INPP5A: variants seen among roughly 807,000 people sequenced by gnomAD.
INPP5A encodes inositol polyphosphate-5-phosphatase A, also known as 43 kDa inositol polyphosphate 5-phophatase.
Under a neutral mutation model 65.2 loss-of-function variants are expected in INPP5A, and 14 were observed. That is an observed-to-expected ratio of 0.21 (90% confidence interval 0.14 to 0.34). INPP5A has a LOEUF of 0.34. INPP5A is among the 10% of genes least tolerant of loss of function. The probability of loss-of-function intolerance (pLI) is 1.00; values close to 1 mark genes in which losing one functional copy is unlikely to be tolerated. For synonymous variants in INPP5A, 207 were observed against 208.3 expected, an observed-to-expected ratio of 0.99 and a Z score of 0.05; for missense variants, 431 against 545.6, an observed-to-expected ratio of 0.79 and a Z score of 2.09.
chr10:132,601,412 A>G (rs1590859398), intron 1 of INPP5A, among the ~76,000 whole-genome samples: 1 of 152,226 alleles, frequency 6.6e-6, no homozygotes, highest in South Asian at 2.1e-4. Context: ...CCGTTAGCAG[A>G]CACATGACTT....
In INPP5A at chr10:132,663,724, G is replaced by T. The variant is rs182810106; in HGVS notation, c.306+13219G>T. Among the ~76,000 whole-genome samples the T allele has an allele frequency of 6.6e-6, 1 of 152,304 alleles. No individual in the cohort carries two copies. Among genetic ancestry groups the T allele is most frequent in the Non-Finnish European group, 1.5e-5 (1 of 68,020 alleles). Reference sequence around the variant, plus strand: ...CGTCTGCATGACTTTGGGTCATTGCGCTTTCCTTGCCTTTTGGGGAGGGTC... The same window carrying T: ...CGTCTGCATGACTTTGGGTCATTGCTCTTTCCTTGCCTTTTGGGGAGGGTC... On this transcript the variant is annotated intron_variant, in intron 4 of 15. Coordinates refer to ENST00000368594, the MANE Select transcript of INPP5A (RefSeq NM_005539.5). The surrounding 1 kb of genome is among the most constrained non-coding windows in gnomAD (Gnocchi z 4.5).
At chr10:132,625,640 T>C (rs1453573487) in intron 2 of INPP5A, among the ~76,000 whole-genome samples, 1 of 152,038 alleles carries the variant, frequency 6.6e-6, no homozygotes, top group African/African-American at 2.4e-5. Context: ...GGGCAAGGGG[T>C]GACCCCTGGC....
chr10:132,567,848 G>A lies in INPP5A; in HGVS notation c.75+29677G>A, dbSNP rs375471118. 4.7e-4 allele frequency among the ~76,000 whole-genome samples: 71 copies of A among 152,126 alleles called. No individual in the cohort carries two copies. The South Asian group carries it at 7.7e-3, about 16-fold the overall frequency. On this transcript the variant is annotated intron_variant, in intron 1 of 15. Coordinates refer to ENST00000368594, the MANE Select transcript of INPP5A (RefSeq NM_005539.5). ...GAATTATATGCTTTCCTTTTTGAAT[G>A]ATCATATAACTTAGTGCTTAATTAC...
intron 11 of INPP5A, among the ~76,000 whole-genome samples, chr10:132,763,747 GCATA>G (rs1237150517): frequency 1.3e-5 from 2 of 151,432 alleles, no homozygotes; most frequent in Admixed American, 6.6e-5. Context: ...ACACATGCCT[GCATA>G]CAAACACACA....
intron 11 of INPP5A, among the ~76,000 whole-genome samples, chr10:132,760,669 C>T (rs958710323): frequency 5.9e-5 from 9 of 152,350 alleles, no homozygotes; most frequent in East Asian, 5.8e-4. Context: ...ATCTCTGGTA[C>T]GGGGTGACTG....
intron 5 of INPP5A, among the ~76,000 whole-genome samples, chr10:132,690,991 G>T (rs773920807): frequency 5.3e-5 from 8 of 152,224 alleles, no homozygotes; most frequent in Non-Finnish European, 1.2e-4. Context: ...GTGTTTGTGC[G>T]ATGACTTCCC....
At chr10:132,548,067 AT>A (rs1424979488) in intron 1 of INPP5A, among the ~76,000 whole-genome samples, 1 of 151,444 alleles carries the variant, frequency 6.6e-6, no homozygotes, top group Middle Eastern at 3.2e-3. Flanking sequence ...ACCCGGCTAA[AT>A]TTTTTTTGTA....
At chr10:132,717,302 G>A (rs1237019625) in intron 8 of INPP5A, among the ~76,000 whole-genome samples, 1 of 145,442 alleles carries the variant, frequency 6.9e-6, no homozygotes, top group East Asian at 1.9e-4. Context: ...GGGCTCCGAG[G>A]CTGGGACTCA....
rs534788362 is a variant in INPP5A at position 132,663,830 on chromosome 10, C to T, written c.306+13325C>T. Reference sequence around the variant, plus strand: ...CTGAGCCGTGAGCTGGGCAGGGCCGCGCTCACATCATTCCTCTCCCCCTGT... The same window carrying T: ...CTGAGCCGTGAGCTGGGCAGGGCCGTGCTCACATCATTCCTCTCCCCCTGT... On this transcript the variant is annotated intron_variant, in intron 4 of 15. Coordinates refer to ENST00000368594, the MANE Select transcript of INPP5A (RefSeq NM_005539.5). This position sits in a 1 kb window ranked among gnomAD's most constrained non-coding sequence, Gnocchi z 4.5. Among the ~76,000 whole-genome samples, 13 of 152,262 alleles carry T rather than the reference C, an allele frequency of 8.5e-5. No homozygotes were observed. The highest frequency in any genetic ancestry group is 2.6e-4 in the African/African-American group (11 of 41,554).
chr10:132,638,221 A>G lies in INPP5A; in HGVS notation c.118-7647A>G, dbSNP rs1042300584. On this transcript the variant is annotated intron_variant, in intron 2 of 15. Transcript: ENST00000368594. ...TTCTCTTCTTCGTTGGTAGTGTCTC[A>G]GTAGTGCCCTTGAAGCATGGCTGTC... Among the ~76,000 whole-genome samples the G allele has an allele frequency of 2.0e-5, 3 of 152,188 alleles. No individual in the cohort carries two copies. In the South Asian group the frequency reaches 6.2e-4, roughly 32 times the overall value.
intron 4 of INPP5A, among the ~76,000 whole-genome samples, chr10:132,685,996 T>C (rs1451103916): frequency 6.6e-6 from 1 of 152,226 alleles, no homozygotes; most frequent in Non-Finnish European, 1.5e-5. Context: ...TGAGCCCCCA[T>C]GGTACGCAGG....
At chr10:132,688,163 G>C (rs566735748) in intron 4 of INPP5A, among the ~76,000 whole-genome samples, 1 of 152,318 alleles carries the variant, frequency 6.6e-6, no homozygotes, top group South Asian at 2.1e-4. Context: ...AGCTGACCCA[G>C]GGGCCCAGGG....
At chr10:132,589,907 C>T (rs1334591819) in intron 1 of INPP5A, among the ~76,000 whole-genome samples, 2 of 152,212 alleles carry the variant, frequency 1.3e-5, no homozygotes, top group East Asian at 3.8e-4. Context: ...CCACGCCTGG[C>T]GCCAGCACAG....
chr10:132,719,942 A>G (rs549177144), intron 8 of INPP5A, among the ~76,000 whole-genome samples: 1 of 114,936 alleles, frequency 8.7e-6, no homozygotes, highest in South Asian at 2.8e-4. Context: ...GGCTGTCTTC[A>G]GGGTTCTGTG....
At chr10:132,586,434 G>A (rs1054882513) in intron 1 of INPP5A, among the ~76,000 whole-genome samples, 1 of 152,234 alleles carries the variant, frequency 6.6e-6, no homozygotes, top group African/African-American at 2.4e-5. Context: ...CTTCCCCACA[G>A]AGTGCCGCAT....
chr10:132,727,835 T>C lies in INPP5A; in HGVS notation c.732+930T>C, dbSNP rs1038445396. The stretch of plus-strand genomic sequence containing the variant: ...GGACACGGTGAGTCAGATGGGGACA[T>C]GGTGAGTTGGATGGGGACACAGTGA... On this transcript the variant is annotated intron_variant, in intron 9 of 15. Coordinates refer to ENST00000368594, the MANE Select transcript of INPP5A (RefSeq NM_005539.5). The surrounding 1 kb of genome is among the most constrained non-coding windows in gnomAD (Gnocchi z 6.5). Among the ~76,000 whole-genome samples the C allele has an allele frequency of 4.0e-5, 6 of 151,722 alleles. No homozygotes were observed. The highest frequency in any genetic ancestry group is 4.2e-4 in the South Asian group (2 of 4,774).
chr10:132,776,659 C>CG (rs1565014932), intron 12 of INPP5A, among the ~76,000 whole-genome samples: 1 of 152,218 alleles, frequency 6.6e-6, no homozygotes, highest in African/African-American at 2.4e-5. Context: ...ACAGGACCCC[C>CG]GGGGTTCGTT....
chr10:132,774,290 C>T (rs182839572), intron 12 of INPP5A, among the ~76,000 whole-genome samples: 23 of 152,306 alleles, frequency 1.5e-4, no homozygotes, highest in Admixed American at 9.1e-4. Context: ...CTGCTTGTGA[C>T]GGGGGTGTGT....
Position 132,646,068 on chromosome 10 carries a change from C to T in INPP5A, c.218+100C>T, listed in dbSNP as rs1018801374. The T allele has an allele frequency of 6.1e-5, 46 of 754,432 alleles. 1 individual carries two copies. Among genetic ancestry groups the T allele is most frequent in the Admixed American group, 6.2e-5 (3 of 48,328 alleles). 46.7% of individuals were successfully genotyped at this position (754,432 alleles called of 1,614,324 possible). On this transcript the variant is annotated intron_variant, in intron 3 of 15. Transcript: ENST00000368594. ...TACTATGATCACCAGCCTCACCATT[C>T]GGGACTCACCTGGGGGTCATCTTGG...
Sources: gnomAD v4.1 joint callset for allele counts (sites outside exome capture counted in the v4.1 genomes callset) on GRCh38, gnomAD v4.1.1 for gene constraint, Gnocchi (gnomAD v3.1) non-coding constraint, MANE v1.5 for transcripts, NCBI Gene and HGNC (gene_info 2026-07-23, HGNC 2026-07-21) for gene names.